The following USP34 variants were observed in gnomAD, a reference collection of about 807,000 sequenced individuals.
The protein encoded by USP34 is ubiquitin specific peptidase 34, also known as ubiquitin carboxyl-terminal hydrolase 34.
A neutral mutation model predicts 460.3 loss-of-function variants in USP34; 70 were observed. The ratio of observed to expected loss-of-function variants is 0.15; its 90% CI spans 0.13 to 0.19. The LOEUF is 0.19. USP34 is among the 10% of genes least tolerant of loss of function. The probability of loss-of-function intolerance (pLI) is 1.00; values close to 1 mark genes in which losing one functional copy is unlikely to be tolerated. For synonymous variants in USP34, 1,647 were observed against 1,405.3 expected, an observed-to-expected ratio of 1.17 and a Z score of -3.85; for missense variants, 3,985 against 4,236.2, an observed-to-expected ratio of 0.94 and a Z score of 1.65.
At chr2:61,422,869 G>GA (rs1694402657) in intron 1 of USP34, among the ~76,000 whole-genome samples, 1 of 152,050 alleles carries the variant, frequency 6.6e-6, no homozygotes, top group Non-Finnish European at 1.5e-5. Context: ...GCATGGTGGT[G>GA]CACACCTCTG....
chr2:61,382,835 C>T (rs990452574), intron 6 of USP34, among the ~76,000 whole-genome samples: 2 of 152,162 alleles, frequency 1.3e-5, no homozygotes, highest in Admixed American at 6.5e-5. Context: ...ACTCTCAAGC[C>T]ACCTTTGCTG....
chr2:61,442,664 G>A (rs1036191015), intron 1 of USP34, among the ~76,000 whole-genome samples: 4 of 152,266 alleles, frequency 2.6e-5, no homozygotes, highest in East Asian at 1.9e-4. Flanking sequence ...TAGTGGGAAC[G>A]TAAACTAGCA....
chr2:61,295,336 C>A, intron 30 of USP34, 46 bp from the exon 31 acceptor site: 2 of 1,532,936 alleles, frequency 1.3e-6, no homozygotes, highest in Admixed American at 2.3e-5. Context: ...ACTCAGGGAA[C>A]ACAAAAAAGA....
At chr2:61,388,393 T>C (rs1054637208) in intron 5 of USP34, among the ~76,000 whole-genome samples, 1 of 147,386 alleles carries the variant, frequency 6.8e-6, no homozygotes, top group African/African-American at 2.5e-5. Context: ...AAGGAAACCA[T>C]AGGTTTAACA....
At chr2:61,222,075 G>T (rs1375665422) in intron 65 of USP34, among the ~76,000 whole-genome samples, 1 of 152,112 alleles carries the variant, frequency 6.6e-6, no homozygotes, top group African/African-American at 2.4e-5. Flanking sequence ...TATTCATGAA[G>T]ATTTGTATCC....
chr2:61,261,512 T>C lies in USP34; in HGVS notation c.5779-1736A>G, dbSNP rs369189520. Among the ~76,000 whole-genome samples, 276 of 152,032 alleles carry C rather than the reference T, an allele frequency of 1.8e-3. 1 individual carries two copies. The highest frequency in any genetic ancestry group is 3.4e-3 in the Middle Eastern group (1 of 294). On this transcript the variant is annotated intron_variant, in intron 43 of 79. Coordinates refer to ENST00000398571, the MANE Select transcript of USP34 (RefSeq NM_014709.4). ...TTGCAAGGGGGGTTGGGAGGGAGAA[T>C]GGAGAGTTAAGTGTTTAACAAGTTT...
chr2:61,216,371 C>T (rs535800112), intron 67 of USP34, among the ~76,000 whole-genome samples: 37 of 152,134 alleles, frequency 2.4e-4, no homozygotes, highest in Admixed American at 2.1e-3. Context: ...GAGGCCAAGG[C>T]GGGCGGATCA....
intron 1 of USP34, among the ~76,000 whole-genome samples, chr2:61,430,212 C>T (rs1394033175): frequency 5.1e-5 from 6 of 117,722 alleles, no homozygotes; most frequent in African/African-American, 2.0e-4. Flanking sequence ...GAGTCTTCGT[C>T]ACAAAAAAAA....
At chr2:61,367,673 A>G (rs778461446) in intron 10 of USP34, among the ~76,000 whole-genome samples, 1 of 152,190 alleles carries the variant, frequency 6.6e-6, no homozygotes, top group Non-Finnish European at 1.5e-5. Flanking sequence ...TGGAAGAAAT[A>G]TAATTGAAGA....
intron 27 of USP34, among the ~76,000 whole-genome samples, chr2:61,302,955 T>C (rs542871818): frequency 6.6e-6 from 1 of 152,346 alleles, no homozygotes; most frequent in South Asian, 2.1e-4. Flanking sequence ...AAAAAATAAA[T>C]TTACCTAACA....
At chr2:61,360,005 G>T (rs960781743) in intron 10 of USP34, among the ~76,000 whole-genome samples, 8 of 151,804 alleles carry the variant, frequency 5.3e-5, no homozygotes, top group African/African-American at 1.9e-4. Context: ...GGCTGGTCTT[G>T]AACTCCTGAC....
At chr2:61,407,002 C>T (rs957518735) in intron 2 of USP34, among the ~76,000 whole-genome samples, 2 of 151,992 alleles carry the variant, frequency 1.3e-5, no homozygotes, top group Non-Finnish European at 2.9e-5. Context: ...AAGACCAAAA[C>T]GCAGTCTCAA....
chr2:61,338,040 G>A (rs745684693), intron 18 of USP34, among the ~76,000 whole-genome samples: 4 of 152,022 alleles, frequency 2.6e-5, no homozygotes, highest in African/African-American at 7.3e-5. Flanking sequence ...AATATATACC[G>A]GCCAGGCACA....
In USP34 at chr2:61,229,590, G is replaced by A. The variant is rs1687834139; in HGVS notation, c.7157C>T (p.Pro2386Leu). 10 of 1,612,092 alleles carry A rather than the reference G, an allele frequency of 6.2e-6. No homozygotes were observed. The highest frequency in any genetic ancestry group is 8.5e-6 in the Non-Finnish European group (10 of 1,179,474). Residue 2386 changes from proline (P) to leucine (L), a missense_variant, in exon 59 of 80, where the codon CCT (proline) becomes CTT (leucine). By Grantham distance (98) the Pro-to-Leu change is moderately conservative. This residue lies in a region of USP34 where 604 missense variants were observed against 684.8 expected (regional missense o/e 0.88). Coordinates refer to ENST00000398571, the MANE Select transcript of USP34 (RefSeq NM_014709.4). Reference sequence around the variant, plus strand: ...CTGCAAATAGAGATGAGCATGCACAGGTCTCAGCCTCTGAATCACATGGAT... The same window carrying A: ...CTGCAAATAGAGATGAGCATGCACAAGTCTCAGCCTCTGAATCACATGGAT... ...LCIHVIQRLR[P>L]VHAHLYLQPG... is the part of the protein sequence containing the mutation.
intron 48 of USP34, among the ~76,000 whole-genome samples, chr2:61,251,947 A>G (rs1688595703): frequency 6.6e-6 from 1 of 151,994 alleles, no homozygotes; most frequent in Non-Finnish European, 1.5e-5. Context: ...CGGTTGTTAA[A>G]TAAACATTTT....
chr2:61,407,068 C>G (rs903892449), intron 2 of USP34, among the ~76,000 whole-genome samples: 1 of 152,052 alleles, frequency 6.6e-6, no homozygotes, highest in Non-Finnish European at 1.5e-5. Context: ...GTTAGTAGCA[C>G]AATGCCTGGC....
At chr2:61,233,308 A>G (rs963255420) in intron 57 of USP34, among the ~76,000 whole-genome samples, 9 of 152,346 alleles carry the variant, frequency 5.9e-5, no homozygotes, top group Admixed American at 4.6e-4. Context: ...CACCACCAGG[A>G]AAATGCAATT....
At position 61,248,615 on chromosome 2, in the gene USP34, G is replaced by A; in HGVS notation, c.6290C>T (p.Thr2097Met). ...NTMRYTFNMV[T>M]MMKEKVNTHF... ...TGTATTCACTTTCTCTTTCATCATC[G>A]TGACCATATTAAATGTGTATCTCAT... Residue 2097 changes from threonine (T) to methionine (M), a missense_variant, in exon 49 of 80, where the codon ACG becomes ATG. Coordinates refer to ENST00000398571, the MANE Select transcript of USP34 (RefSeq NM_014709.4). 1 of 1,609,608 alleles carries A rather than the reference G, an allele frequency of 6.2e-7. No homozygotes were observed. The highest frequency in any genetic ancestry group is 8.5e-7 in the Non-Finnish European group (1 of 1,177,040).
At chr2:61,344,089 C>A in intron 15 of USP34, 60 bp from the exon 16 acceptor site, 2 of 1,498,434 alleles carry the variant, frequency 1.3e-6, no homozygotes, top group South Asian at 1.2e-5. Flanking sequence ...ATTTGTGAAC[C>A]ACAAAAAATA....
Sources: gnomAD v4.1 joint callset for allele counts (sites outside exome capture counted in the v4.1 genomes callset) on GRCh38, gnomAD v4.1.1 for gene constraint, gnomAD v4.1.1 regional missense constraint, MANE v1.5 for transcripts, NCBI Gene and HGNC (gene_info 2026-07-23, HGNC 2026-07-21) for gene names.